Variants in SPATA6L observed in about 807,000 individuals in gnomAD.
SPATA6L encodes the protein spermatogenesis associated 6 like, also known as spermatogenesis associated 6-like protein.
SPATA6L carries 68 observed loss-of-function variants against 49.2 expected under a neutral mutation model. The observed-to-expected ratio is 1.38, with a 90% CI of 1.14 to 1.69. SPATA6L has a LOEUF of 1.69. Among genes scored for constraint, SPATA6L ranks in the 40% most tolerant of loss-of-function variants. SPATA6L has a pLI of 0.00. For synonymous variants in SPATA6L, 198 were observed against 165.7 expected (o/e 1.19, Z -1.50); for missense variants, 668 against 464.3 (o/e 1.44, Z -4.03).
intron 3 of SPATA6L, among the ~76,000 whole-genome samples, chr9:4,655,332 A>G (rs1162879056): frequency 1.2e-4 from 18 of 152,262 alleles, no homozygotes; most frequent in Non-Finnish European, 1.5e-5. Flanking sequence ...AATATCCAGA[A>G]TAAGCAAATC....
intron 3 of SPATA6L, among the ~76,000 whole-genome samples, chr9:4,643,206 C>T (rs1335668781): frequency 6.6e-6 from 1 of 152,174 alleles, no homozygotes; most frequent in African/African-American, 2.4e-5. Flanking sequence ...CAGGGTTTCA[C>T]TATGTTGGCC....
At chr9:4,656,525 T>C (rs1222231088) in intron 2 of SPATA6L, among the ~76,000 whole-genome samples, 3 of 152,020 alleles carry the variant, frequency 2.0e-5, no homozygotes, top group Non-Finnish European at 2.9e-5. Flanking sequence ...TAAATTATAT[T>C]CTTCCAAGTA....
chr9:4,655,803 G>A (rs995857599), intron 3 of SPATA6L, among the ~76,000 whole-genome samples: 41 of 152,042 alleles, frequency 2.7e-4, no homozygotes, highest in Admixed American at 1.8e-3. Context: ...CACCCGCCTC[G>A]GCCTCCCAAA....
intron 9 of SPATA6L, among the ~76,000 whole-genome samples, chr9:4,610,089 G>A (rs1025931050): frequency 6.6e-6 from 1 of 152,094 alleles, no homozygotes; most frequent in African/African-American, 2.4e-5. Flanking sequence ...CAACTTACAA[G>A]GGATGTGAAG....
intron 9 of SPATA6L, among the ~76,000 whole-genome samples, chr9:4,612,885 T>C (rs192420205): frequency 1.5e-3 from 223 of 152,228 alleles, no homozygotes; most frequent in Middle Eastern, 6.8e-3. Flanking sequence ...ACATAGCAAT[T>C]TGATAATGAA....
chr9:4,640,509 C>T (rs1833795968), intron 3 of SPATA6L, among the ~76,000 whole-genome samples: 1 of 151,920 alleles, frequency 6.6e-6, no homozygotes, highest in Admixed American at 6.6e-5. Flanking sequence ...GAAATTGGTC[C>T]CTGAGAACCC....
intron 3 of SPATA6L, among the ~76,000 whole-genome samples, chr9:4,649,467 T>A (rs945946470): frequency 3.9e-5 from 6 of 152,188 alleles, no homozygotes; most frequent in African/African-American, 7.2e-5. Flanking sequence ...ACTCTATGAG[T>A]CCAATGCAAT....
At chr9:4,601,633 G>A (rs1374181052) in intron 11 of SPATA6L, among the ~76,000 whole-genome samples, 3 of 152,252 alleles carry the variant, frequency 2.0e-5, no homozygotes, top group African/African-American at 4.8e-5. Context: ...CTGAGATCTC[G>A]AGATCGCTGG....
At chr9:4,640,718 C>A (rs1447252517) in intron 3 of SPATA6L, among the ~76,000 whole-genome samples, 1 of 152,068 alleles carries the variant, frequency 6.6e-6, no homozygotes, top group East Asian at 1.9e-4. Context: ...ATACCTTGAA[C>A]AAATTAATGG....
At chr9:4,653,933 T>C (rs1837504113) in intron 3 of SPATA6L, among the ~76,000 whole-genome samples, 1 of 152,074 alleles carries the variant, frequency 6.6e-6, no homozygotes, top group Non-Finnish European at 1.5e-5. Context: ...CGAGACCCTG[T>C]CTCAAAATAA....
chr9:4,589,966 G>A lies in SPATA6L; in HGVS notation c.*255-1005C>T, dbSNP rs990902734. Among the ~76,000 whole-genome samples the A allele has an allele frequency of 2.8e-4, 43 of 152,188 alleles. No individual in the cohort carries two copies. In the Middle Eastern group the frequency reaches 0.01, roughly 36 times the overall value. On this transcript the variant is annotated intron_variant and NMD_transcript_variant, in intron 13 of 13. Coordinates refer to the SPATA6L transcript ENST00000461761. ...TGACACGGAGTCTCACTCTGTCACC[G>A]AGGCTGGAGTGCAGTGGCGCGATCT...
intron 3 of SPATA6L, among the ~76,000 whole-genome samples, chr9:4,649,348 G>A (rs537546600): frequency 2.6e-5 from 4 of 152,306 alleles, no homozygotes; most frequent in Admixed American, 6.5e-5. Context: ...CCCATCGGCA[G>A]TGTAGAAGTA....
At chr9:4,658,862 G>C (rs573937973) in intron 2 of SPATA6L, among the ~76,000 whole-genome samples, 2 of 149,096 alleles carry the variant, frequency 1.3e-5, no homozygotes, top group Non-Finnish European at 3.0e-5. Flanking sequence ...TGTGGTGGCA[G>C]ATCCCTGAAC....
intron 9 of SPATA6L, among the ~76,000 whole-genome samples, chr9:4,606,286 G>A (rs1824982772): frequency 1.4e-5 from 2 of 143,916 alleles, no homozygotes; most frequent in South Asian, 2.3e-4. Context: ...CCAACTGGGT[G>A]GAGCCCACCA....
At chr9:4,615,860 G>C (rs1352807343) in intron 9 of SPATA6L, among the ~76,000 whole-genome samples, 1 of 152,192 alleles carries the variant, frequency 6.6e-6, no homozygotes, top group Admixed American at 6.5e-5. Context: ...AGGTGTTATA[G>C]ATACCAGGCA....
intron 2 of SPATA6L, 131 bp downstream of exon 2, chr9:4,661,768 T>TCAA (rs1839829175): frequency 1.3e-5 from 11 of 835,796 alleles, no homozygotes; most frequent in East Asian, 3.7e-5. Flanking sequence ...GGTTTTGCAT[T>TCAA]GTGCTGAAGT....
intron 9 of SPATA6L, among the ~76,000 whole-genome samples, chr9:4,616,369 T>C (rs1828006666): frequency 6.6e-6 from 1 of 152,200 alleles, no homozygotes; most frequent in Non-Finnish European, 1.5e-5. Flanking sequence ...CTAGAGCCCA[T>C]GTCTCCTGAC....
At chr9:4,644,164 T>C (rs901802296) in intron 3 of SPATA6L, among the ~76,000 whole-genome samples, 1 of 103,092 alleles carries the variant, frequency 9.7e-6, no homozygotes, top group African/African-American at 3.7e-5. Context: ...CTAGGCAACA[T>C]AGTAAGATGC....
At chr9:4,632,416 G>C (rs1831804432) in intron 4 of SPATA6L, among the ~76,000 whole-genome samples, 1 of 151,662 alleles carries the variant, frequency 6.6e-6, no homozygotes, top group African/African-American at 2.4e-5. Flanking sequence ...GCCAACATGA[G>C]GAAACCTCGT....
Sources: allele counts gnomAD v4.1 joint callset (sites outside exome capture counted in the v4.1 genomes callset), GRCh38; gene constraint gnomAD v4.1.1; transcripts MANE v1.5; gene names NCBI Gene and HGNC (gene_info 2026-07-23, HGNC 2026-07-21).